PPFIA2: variants seen among roughly 807,000 people sequenced by gnomAD.
PPFIA2 encodes PPFI scaffold protein A2.
In PPFIA2, 46 loss-of-function variants were observed where a neutral mutation model predicts 175.5. The observed-to-expected ratio is 0.26, with a 90% CI of 0.21 to 0.34. The LOEUF (loss-of-function observed/expected upper bound fraction) is 0.34, where lower values mean the gene tolerates loss of function less well. PPFIA2 is among the 10% of genes least tolerant of loss of function. The pLI, the probability that PPFIA2 is intolerant of heterozygous loss-of-function variation, is 1.00. For missense variants in PPFIA2, 1,179 were observed against 1,506.1 expected, an observed-to-expected ratio of 0.78 and a Z score of 3.60; for synonymous variants, 568 against 511.4, an observed-to-expected ratio of 1.11 and a Z score of -1.49.
In PPFIA2 at chr12:81,664,858, T is replaced by C. The variant is rs539013432; in HGVS notation, c.303+11933A>G. Among the ~76,000 whole-genome samples the C allele has an allele frequency of 4.1e-3, 624 of 152,008 alleles. 8 individuals carry two copies. Among genetic ancestry groups the C allele is most frequent in the African/African-American group, 0.014 (585 of 41,368 alleles). ...TACACCATGGAATACTATGCAGCCA[T>C]AAAAAAGGATGAGTTAATGTCCTTT... On this transcript the variant is annotated intron_variant, in intron 4 of 32. Coordinates refer to ENST00000549396, the MANE Select transcript of PPFIA2 (RefSeq NM_003625.5).
chr12:81,432,113 T>A (rs1354389053), intron 7 of PPFIA2, among the ~76,000 whole-genome samples: 1 of 17,126 alleles, frequency 5.8e-5, no homozygotes, highest in Non-Finnish European at 8.1e-5. Flanking sequence ...AAATAATTAG[T>A]TTTTTAATCA....
intron 4 of PPFIA2, chr12:81,546,422 G>A (rs2067004452): frequency 6.6e-6 from 1 of 152,156 alleles, no homozygotes; most frequent in Non-Finnish European, 1.5e-5. Flanking sequence ...GGTAGTGCAT[G>A]CTTCTGTGCA....
At chr12:81,574,176 T>C (rs2073080840) in intron 4 of PPFIA2, among the ~76,000 whole-genome samples, 1 of 151,864 alleles carries the variant, frequency 6.6e-6, no homozygotes, top group Non-Finnish European at 1.5e-5. Context: ...TCTTTTATCA[T>C]CTACTTCTGT....
chr12:81,356,599 G>A (rs773517748), intron 16 of PPFIA2, among the ~76,000 whole-genome samples: 4 of 151,978 alleles, frequency 2.6e-5, no homozygotes, highest in Non-Finnish European at 5.9e-5. Flanking sequence ...GGAATTCAAG[G>A]CTGCAATGAG....
intron 8 of PPFIA2, among the ~76,000 whole-genome samples, chr12:81,388,279 T>C (rs371126638): frequency 6.6e-6 from 1 of 152,086 alleles, no homozygotes; most frequent in Non-Finnish European, 1.5e-5. Context: ...ACTCTTGGGG[T>C]AAACAAATAT....
chr12:81,642,764 A>ACATATTATATACATACATG lies in PPFIA2; in HGVS notation c.303+34026_303+34027insCATGTATGTATATAATATG, dbSNP rs1457405412. On this transcript the variant is annotated intron_variant, in intron 4 of 32. Transcript: ENST00000549396. ...ATGTATGTATTATATACATACATGT[A>ACATATTATATACATACATG]TATGTATGTATGTATTATATACATA... Among the ~76,000 whole-genome samples the ACATATTATATACATACATG allele has an allele frequency of 1.7e-4, 2 of 11,736 alleles. 1 individual carries two copies. Among genetic ancestry groups the ACATATTATATACATACATG allele is most frequent in the African/African-American group, 4.2e-4 (2 of 4,728 alleles). The allele number at this position is 11,736 out of a possible 152,430, so 7.7% of individuals were successfully genotyped here.
intron 26 of PPFIA2, among the ~76,000 whole-genome samples, chr12:81,281,706 T>C (rs1261631578): frequency 6.6e-6 from 1 of 152,102 alleles, no homozygotes; most frequent in African/African-American, 2.4e-5. Context: ...TCCAAGTATG[T>C]ATTTTATTAA....
intron 4 of PPFIA2, among the ~76,000 whole-genome samples, chr12:81,518,276 C>A (rs772389836): frequency 3.9e-5 from 6 of 152,060 alleles, no homozygotes; most frequent in Non-Finnish European, 1.5e-5. Context: ...CATATCTCAG[C>A]CATCTACTTT....
At chr12:81,488,258 A>AT (rs2059053533) in intron 4 of PPFIA2, among the ~76,000 whole-genome samples, 1 of 151,820 alleles carries the variant, frequency 6.6e-6, no homozygotes, top group Non-Finnish European at 1.5e-5. Flanking sequence ...ATGAACTCCG[A>AT]TTTTTATTGA....
intron 4 of PPFIA2, among the ~76,000 whole-genome samples, chr12:81,608,377 T>G (rs2060546973): frequency 6.6e-6 from 1 of 152,122 alleles, no homozygotes; most frequent in Non-Finnish European, 1.5e-5. Context: ...TGGTACCAGT[T>G]CTTCTTTATA....
chr12:81,718,014 G>A (rs1163316134), intron 3 of PPFIA2, among the ~76,000 whole-genome samples: 4 of 151,652 alleles, frequency 2.6e-5, no homozygotes, highest in African/African-American at 7.3e-5. Context: ...CCTCACTGGA[G>A]AGGCACCTCC....
chr12:81,536,753 T>TATAC (rs1567229828), intron 4 of PPFIA2, among the ~76,000 whole-genome samples: 1 of 145,836 alleles, frequency 6.9e-6, no homozygotes, highest in African/African-American at 2.5e-5. Context: ...AACATATATA[T>TATAC]ATATATATAT....
chr12:81,654,945 A>G (rs2067548331), intron 4 of PPFIA2, among the ~76,000 whole-genome samples: 1 of 151,930 alleles, frequency 6.6e-6, no homozygotes, highest in African/African-American at 2.4e-5. Context: ...TTGGTCCTGA[A>G]GTTTTCTTTG....
chr12:81,670,336 A>G (rs897889036), intron 4 of PPFIA2, among the ~76,000 whole-genome samples: 6 of 151,896 alleles, frequency 4.0e-5, no homozygotes, highest in Non-Finnish European at 4.4e-5. Flanking sequence ...AAAACATTGC[A>G]GGGCCCACAA....
intron 2 of PPFIA2, among the ~76,000 whole-genome samples, chr12:81,755,740 C>T (rs1309112687): frequency 6.6e-6 from 1 of 151,980 alleles, no homozygotes; most frequent in Admixed American, 6.6e-5. Context: ...GTTTTAAACG[C>T]TTTGAAGTTT....
intron 8 of PPFIA2, among the ~76,000 whole-genome samples, chr12:81,398,853 G>A (rs2041638752): frequency 1.3e-5 from 2 of 152,012 alleles, no homozygotes; most frequent in African/African-American, 2.4e-5. Context: ...CTTGACGCTC[G>A]ACAATACTAA....
At chr12:81,291,101 G>GAT (rs2044845348) in intron 24 of PPFIA2, among the ~76,000 whole-genome samples, 1 of 151,520 alleles carries the variant, frequency 6.6e-6, no homozygotes, top group Non-Finnish European at 1.5e-5. Flanking sequence ...AGAATGACAA[G>GAT]ATCTTCATCA....
intron 4 of PPFIA2, among the ~76,000 whole-genome samples, chr12:81,542,199 G>C (rs144766525): frequency 1.7e-4 from 26 of 152,196 alleles, no homozygotes; most frequent in African/African-American, 6.0e-4. Flanking sequence ...AGAGCTTTGG[G>C]ACAGATGAGC....
intron 28 of PPFIA2, among the ~76,000 whole-genome samples, chr12:81,270,080 A>G (rs1485725133): frequency 6.6e-6 from 1 of 152,238 alleles, no homozygotes; most frequent in Non-Finnish European, 1.5e-5. Context: ...AAATAAAAAA[A>G]CAATAAATAG....
Sources: allele counts gnomAD v4.1 joint callset (sites outside exome capture counted in the v4.1 genomes callset), GRCh38; gene constraint gnomAD v4.1.1; transcripts MANE v1.5; gene names NCBI Gene and HGNC (gene_info 2026-07-23, HGNC 2026-07-21).